MYO3B: variants seen among roughly 807,000 people sequenced by gnomAD.
MYO3B encodes myosin IIIB.
Under a neutral mutation model 174.6 loss-of-function variants are expected in MYO3B, and 156 were observed. That is an observed-to-expected ratio of 0.89 (90% CI 0.78 to 1.02). MYO3B has a LOEUF of 1.02. MYO3B is among the 50% of genes least tolerant of loss of function. The pLI is 0.00. For missense variants in MYO3B, 1,632 were observed against 1,639.4 expected (o/e 1.00, Z 0.08); for synonymous variants, 563 against 569.1 (o/e 0.99, Z 0.15).
intron 25 of MYO3B, among the ~76,000 whole-genome samples, chr2:170,477,203 T>C (rs933584825): frequency 6.6e-6 from 1 of 152,148 alleles, no homozygotes; most frequent in African/African-American, 2.4e-5. Context: ...TGGTCAGCCT[T>C]TGTGCATTCT....
chr2:170,274,480 T>G (rs1021194862), intron 7 of MYO3B, among the ~76,000 whole-genome samples: 1 of 152,188 alleles, frequency 6.6e-6, no homozygotes, highest in Admixed American at 6.5e-5. Flanking sequence ...CATAGCAAAG[T>G]GGCTACTTTT....
chr2:170,543,686 G>A (rs2106206310), intron 31 of MYO3B, among the ~76,000 whole-genome samples: 1 of 152,286 alleles, frequency 6.6e-6, no homozygotes, highest in South Asian at 2.1e-4. Context: ...AGCAAAAGAT[G>A]TTAAGACTTG....
intron 22 of MYO3B, among the ~76,000 whole-genome samples, chr2:170,429,115 C>T (rs2094688253): frequency 6.6e-6 from 1 of 152,148 alleles, no homozygotes; most frequent in Non-Finnish European, 1.5e-5. Flanking sequence ...TATGACTGAC[C>T]TACCACCAAT....
chr2:170,264,344 T>C (rs4668229), intron 7 of MYO3B, among the ~76,000 whole-genome samples: 147,729 of 152,292 alleles, frequency 0.97, 71,664 homozygotes, highest in Admixed American at 0.98. Context: ...GGATTTCCTA[T>C]GTGGCAGTCA....
Position 170,621,764 on chromosome 2 carries a change from G to A in MYO3B, c.3734-29864G>A, listed in dbSNP as rs1044006504. Among the ~76,000 whole-genome samples, 7 of 151,966 alleles carry A rather than the reference G, an allele frequency of 4.6e-5. No individual in the cohort carries two copies. In the South Asian group the frequency reaches 8.4e-4, roughly 18 times the overall value. On this transcript the variant is annotated intron_variant, in intron 32 of 34. Transcript: ENST00000408978. ...TGACCTCAAATGATCCACCCGCCTCGGCCTCCCAAAGTACTGGGGCCACCG... is the reference window on the plus strand; with the variant it reads ...TGACCTCAAATGATCCACCCGCCTCAGCCTCCCAAAGTACTGGGGCCACCG...
chr2:170,492,588 C>A (rs776490025), intron 25 of MYO3B, among the ~76,000 whole-genome samples: 4 of 152,224 alleles, frequency 2.6e-5, no homozygotes, highest in Non-Finnish European at 2.9e-5. Flanking sequence ...CTAAACACTT[C>A]TTTTCCTCCA....
chr2:170,485,733 G>T (rs535918158), intron 25 of MYO3B, among the ~76,000 whole-genome samples: 2 of 152,266 alleles, frequency 1.3e-5, no homozygotes, highest in African/African-American at 4.8e-5. Context: ...CTGAGCAGTT[G>T]ACCTTTTCCA....
At position 170,466,641 on chromosome 2, in the gene MYO3B, A is replaced by C. The variant is rs1443472321; in HGVS notation, c.2944A>C (p.Ile982Leu). The C allele has an allele frequency of 1.9e-6, 3 of 1,614,102 alleles. No homozygotes were observed. In the South Asian group the frequency reaches 3.3e-5, roughly 18 times the overall value. The change falls in exon 25 of 35, where the codon ATT becomes CTT. Residue 982 changes from isoleucine to leucine, a missense_variant. Physicochemically the swap from Ile to Leu is conservative, Grantham distance 5 (BLOSUM62 2). Coordinates refer to ENST00000408978, the MANE Select transcript of MYO3B (RefSeq NM_138995.5). The stretch of plus-strand genomic sequence containing the variant: ...GCTGGCCCAGCTCCGCTCCACAGGG[A>C]TTCTGGAGACAGTCAGCATCCGCCG... ...RVLAQLRSTGILETVSIRRQG... is the reference protein window; with the variant it reads ...RVLAQLRSTGLLETVSIRRQG...
intron 32 of MYO3B, among the ~76,000 whole-genome samples, chr2:170,636,014 GCTGT>G (rs895907310): frequency 3.3e-5 from 5 of 152,276 alleles, no homozygotes; most frequent in African/African-American, 1.2e-4. Flanking sequence ...TCTAAGCAAA[GCTGT>G]CTGTTTTTTT....
At chr2:170,374,647 C>T (rs2094275570) in intron 9 of MYO3B, among the ~76,000 whole-genome samples, 1 of 151,950 alleles carries the variant, frequency 6.6e-6, no homozygotes, top group South Asian at 2.1e-4. Flanking sequence ...TTGTAAGTCC[C>T]CTGTCTCACC....
chr2:170,512,295 G>A (rs1342142064), intron 28 of MYO3B, among the ~76,000 whole-genome samples: 1 of 152,120 alleles, frequency 6.6e-6, no homozygotes, highest in Non-Finnish European at 1.5e-5. Flanking sequence ...TGCTTTTGGT[G>A]GCATTTGCCT....
intron 8 of MYO3B, among the ~76,000 whole-genome samples, chr2:170,358,014 C>T (rs2355722): frequency 0.87 from 132,089 of 151,946 alleles, 57,906 homozygotes; most frequent in Non-Finnish European, 0.93. Context: ...TAGCCAGGTG[C>T]GGTGGGGAGC....
In MYO3B at chr2:170,188,386, A is replaced by T. The variant is rs1009301301; in HGVS notation, c.2+10097A>T. Among the ~76,000 whole-genome samples the T allele has an allele frequency of 1.1e-4, 17 of 152,148 alleles. No individual in the cohort carries two copies. The East Asian group carries it at 1.2e-3, about 10-fold the overall frequency. On this transcript the variant is annotated intron_variant, in intron 1 of 34. Transcript: ENST00000408978. ...TTGATAAGTGAAGTAGGTTTCTTGT[A>T]GGCAGCAGATCATTAGGTCATTAAA...
At chr2:170,648,887 T>C (rs1207745112) in intron 32 of MYO3B, among the ~76,000 whole-genome samples, 1 of 56,224 alleles carries the variant, frequency 1.8e-5, no homozygotes, top group Non-Finnish European at 3.3e-5. Flanking sequence ...TTCTATATAT[T>C]ATATATGAAA....
chr2:170,540,352 G>A (rs1163818211), intron 30 of MYO3B, among the ~76,000 whole-genome samples: 6 of 152,148 alleles, frequency 3.9e-5, no homozygotes, highest in Non-Finnish European at 7.4e-5. Flanking sequence ...CCACATGGCT[G>A]TCAGCAGTAT....
At chr2:170,197,040 G>A (rs2092608947) in intron 1 of MYO3B, among the ~76,000 whole-genome samples, 1 of 144,864 alleles carries the variant, frequency 6.9e-6, no homozygotes, top group East Asian at 2.0e-4. Flanking sequence ...TTTTAAACAT[G>A]TCTGACACCT....
intron 7 of MYO3B, among the ~76,000 whole-genome samples, chr2:170,243,241 C>G (rs1250919888): frequency 6.6e-6 from 1 of 152,182 alleles, no homozygotes; most frequent in Non-Finnish European, 1.5e-5. Flanking sequence ...CTTGGCTGGG[C>G]TTGCTCATGC....
intron 23 of MYO3B, among the ~76,000 whole-genome samples, chr2:170,461,702 G>T (rs547779323): frequency 6.6e-6 from 1 of 151,706 alleles, no homozygotes; most frequent in African/African-American, 2.4e-5. Flanking sequence ...CTTGAATCTG[G>T]CAGATGGTGG....
chr2:170,511,109 G>A (rs956031792), intron 28 of MYO3B, among the ~76,000 whole-genome samples: 4 of 150,864 alleles, frequency 2.7e-5, no homozygotes, highest in African/African-American at 9.8e-5. Flanking sequence ...GCCTAGGCTG[G>A]AGTGCAGTGG....
Sources: allele counts gnomAD v4.1 joint callset (sites outside exome capture counted in the v4.1 genomes callset), GRCh38; gene constraint gnomAD v4.1.1; transcripts MANE v1.5; gene names NCBI Gene and HGNC (gene_info 2026-07-23, HGNC 2026-07-21).